GABPA: variants seen among roughly 807,000 people sequenced by gnomAD.
GABPA encodes the protein GA binding protein transcription factor subunit alpha.
Under a neutral mutation model 59.4 loss-of-function variants are expected in GABPA, and 4 were observed. The observed-to-expected ratio is 0.07, with a 90% CI of 0.03 to 0.15. The LOEUF (loss-of-function observed/expected upper bound fraction) is 0.15. GABPA is among the 10% of genes least tolerant of loss of function. GABPA has a pLI of 1.00. For missense variants in GABPA, 251 were observed against 543.8 expected (o/e 0.46, Z 5.36); for synonymous variants, 164 against 183.1 (o/e 0.90, Z 0.84).
chr21:25,738,220 C>T (rs1287104250), intron 1 of GABPA, among the ~76,000 whole-genome samples: 2 of 152,154 alleles, frequency 1.3e-5, no homozygotes, highest in Non-Finnish European at 2.9e-5. Context: ...TTGCCGCCGC[C>T]GCCGCCCCCT....
intron 7 of GABPA, chr21:25,763,042 A>G (rs551522100): frequency 2.4e-5 from 9 of 371,874 alleles, no homozygotes; most frequent in Admixed American, 3.5e-5. Flanking sequence ...TGATTCATCT[A>G]TATTGGGTAC....
intron 9 of GABPA, 130 bp from the exon 10 acceptor site, chr21:25,768,874 G>C (rs535548030): frequency 3.2e-6 from 2 of 622,570 alleles, no homozygotes; most frequent in African/African-American, 3.7e-5. Flanking sequence ...ATTCTACATA[G>C]CTTCAATATT....
rs2035679457 is a variant in GABPA, at chr21:25,758,084, A to G, written c.628A>G (p.Ile210Val). ...WVMKEFSMTDIDLTTLNISGR... is the reference protein window; with the variant it reads ...WVMKEFSMTDVDLTTLNISGR... ...AATGAAGGAATTCAGCATGACCGAT[A>G]TAGACCTCACCACACTCAACATTTC... Residue 210 changes from isoleucine (I) to valine (V), a missense_variant, in exon 6 of 10, where the codon ATA becomes GTA. By Grantham distance (29) the Ile-to-Val change is conservative. Coordinates refer to ENST00000400075, the MANE Select transcript of GABPA (RefSeq NM_002040.4). 1.2e-6 allele frequency: 2 copies of G among 1,610,392 alleles called. No homozygotes were observed. The highest frequency in any genetic ancestry group is 1.7e-6 in the Non-Finnish European group (2 of 1,178,426).
intron 3 of GABPA, 63 bp from the exon 4 acceptor site, chr21:25,748,973 A>G: frequency 1.0e-6 from 1 of 996,484 alleles, no homozygotes; most frequent in Non-Finnish European, 1.6e-6. Flanking sequence ...TTCTAAACCA[A>G]AGGCAAGGGA....
In GABPA at chr21:25,754,615, A is replaced by T. The variant is rs188047025; in HGVS notation, c.553+2381A>T. On this transcript the variant is annotated intron_variant, in intron 5 of 9. Transcript: ENST00000400075. Reference sequence around the variant, plus strand: ...CTACTTCTCTGAGTATATTGATTATATATTTTTTTTTAACTTTTAAAAAGC... The same window carrying T: ...CTACTTCTCTGAGTATATTGATTATTTATTTTTTTTTAACTTTTAAAAAGC... Among the ~76,000 whole-genome samples, 450 of 149,998 alleles carry T rather than the reference A, an allele frequency of 3.0e-3. 2 individuals carry two copies. The highest frequency in any genetic ancestry group is 0.011 in the African/African-American group (433 of 40,352).
intron 8 of GABPA, 110 bp from the exon 9 acceptor site, chr21:25,764,482 CAAA>C: frequency 6.9e-7 from 1 of 1,440,962 alleles, no homozygotes; most frequent in Non-Finnish European, 9.5e-7. Context: ...TCTAGAAAAA[CAAA>C]AATTGTTTTT....
At chr21:25,749,195 G>A (rs368982887) in intron 4 of GABPA, 75 bp downstream of exon 4, 2 of 827,484 alleles carry the variant, frequency 2.4e-6, no homozygotes, top group Non-Finnish European at 4.0e-6. Context: ...GTTTTTAGGT[G>A]TTTTCGATGG....
intron 5 of GABPA, among the ~76,000 whole-genome samples, chr21:25,752,561 T>C (rs1028712845): frequency 6.6e-6 from 1 of 152,180 alleles, no homozygotes; most frequent in Admixed American, 6.5e-5. Flanking sequence ...TGTAGAAGTA[T>C]GCTATTGGAA....
chr21:25,738,942 A>C (rs2035148528), intron 1 of GABPA, among the ~76,000 whole-genome samples: 1 of 152,010 alleles, frequency 6.6e-6, no homozygotes, highest in African/African-American at 2.4e-5. Context: ...AAAACCAAAA[A>C]CAGAGGGTCT....
At position 25,762,369 on chromosome 21, in the gene GABPA, A is replaced by C; in HGVS notation, c.802+4A>C. The C allele has an allele frequency of 1.3e-6, 2 of 1,556,300 alleles. No individual in the cohort carries two copies. Among genetic ancestry groups the C allele is most frequent in the Admixed American group, 3.6e-5 (2 of 55,358 alleles). The stretch of plus-strand genomic sequence containing the variant: ...GAAATAGTTACAATTGATCAACGTG[A>C]GTATTTGTACCTATATTTGCCCTTT... On this transcript the variant is annotated splice_donor_region_variant and intron_variant, in intron 7 of 9. Coordinates refer to ENST00000400075, the MANE Select transcript of GABPA (RefSeq NM_002040.4).
intron 5 of GABPA, among the ~76,000 whole-genome samples, chr21:25,752,581 G>C (rs79102044): frequency 2.5e-3 from 380 of 152,280 alleles, no homozygotes; most frequent in Non-Finnish European, 4.2e-3. Context: ...ATCTCAAAGA[G>C]ATCATAGTTG....
rs71651642 is a variant in GABPA at position 25,765,545 on chromosome 21, C to T, written c.1136+758C>T. Among the ~76,000 whole-genome samples the T allele has an allele frequency of 5.4e-4, 82 of 151,968 alleles. 1 individual carries two copies. The East Asian group carries it at 0.013, about 24-fold the overall frequency. ...ATATAATTATATGGAAATTTTGGTT[C>T]AGCGAGTATTCATTGTTACAGTATT... is the stretch of plus-strand genomic sequence containing the variant. On this transcript the variant is annotated intron_variant, in intron 9 of 9. Coordinates refer to ENST00000400075, the MANE Select transcript of GABPA (RefSeq NM_002040.4).
chr21:25,745,770 T>G (rs913001523), intron 3 of GABPA, among the ~76,000 whole-genome samples: 3 of 152,174 alleles, frequency 2.0e-5, no homozygotes, highest in Non-Finnish European at 2.9e-5. Context: ...TCTCTAACAG[T>G]AAGTTTTGGA....
intron 4 of GABPA, among the ~76,000 whole-genome samples, chr21:25,750,631 C>G (rs1259323951): frequency 1.3e-5 from 2 of 152,216 alleles, no homozygotes; most frequent in Non-Finnish European, 2.9e-5. Context: ...AATTTCATCT[C>G]TGAACATATA....
intron 1 of GABPA, among the ~76,000 whole-genome samples, chr21:25,739,962 C>A (rs1381071467): frequency 3.3e-5 from 5 of 152,164 alleles, no homozygotes; most frequent in Non-Finnish European, 7.3e-5. Context: ...GTTGTATTGA[C>A]TGAGAATAGA....
chr21:25,740,823 T>C (rs2035201660), intron 1 of GABPA, among the ~76,000 whole-genome samples: 2 of 152,254 alleles, frequency 1.3e-5, no homozygotes, highest in African/African-American at 4.8e-5. Flanking sequence ...TTGTACCAAA[T>C]CCTAGCTGAT....
At chr21:25,765,795 G>A (rs939867879) in intron 9 of GABPA, among the ~76,000 whole-genome samples, 2 of 151,814 alleles carry the variant, frequency 1.3e-5, no homozygotes, top group African/African-American at 4.8e-5. Flanking sequence ...ATACATACAA[G>A]TCCCCTCAAA....
At chr21:25,756,187 C>T (rs948449228) in intron 5 of GABPA, among the ~76,000 whole-genome samples, 4 of 129,840 alleles carry the variant, frequency 3.1e-5, no homozygotes, top group East Asian at 2.3e-4. Context: ...ATATTTTTCC[C>T]TGAGTTTTTT....
In GABPA at chr21:25,769,484, T is replaced by C. The variant is rs1331206046; in HGVS notation, c.*252T>C. The C allele has an allele frequency of 2.5e-6, 1 of 398,304 alleles. No individual in the cohort carries two copies. Among genetic ancestry groups the C allele is most frequent in the African/African-American group, 2.0e-5 (1 of 49,444 alleles). 24.7% of individuals were successfully genotyped at this position (398,304 alleles called of 1,614,324 possible). On this transcript the variant is annotated 3_prime_UTR_variant, in exon 10 of 10. Transcript: ENST00000400075. ...GAAGGCAGGTTCATTGTGGAATAGT[T>C]TAACAGTCAGGAAGGCTAAACTGGT...
Sources: gnomAD v4.1 joint callset for allele counts (sites outside exome capture counted in the v4.1 genomes callset) on GRCh38, gnomAD v4.1.1 for gene constraint, MANE v1.5 for transcripts, NCBI Gene and HGNC (gene_info 2026-07-23, HGNC 2026-07-21) for gene names.